SGCZ: variants seen among roughly 807,000 people sequenced by gnomAD.
SGCZ encodes the protein sarcoglycan zeta, also known as zeta-sarcoglycan.
A neutral mutation model predicts 41.3 loss-of-function variants in SGCZ; 40 were observed. That is an observed-to-expected ratio of 0.97 (90% CI 0.75 to 1.26). The LOEUF (loss-of-function observed/expected upper bound fraction) is 1.26, where lower values mean the gene tolerates loss of function less well. SGCZ is among the 50% of genes most tolerant of loss of function. SGCZ has a pLI of 0.00. For synonymous variants in SGCZ, 206 were observed against 137.5 expected (o/e 1.50, Z -3.49); for missense variants, 552 against 369.8 (o/e 1.49, Z -4.04).
At chr8:15,039,657 G>A (rs911250774) in intron 1 of SGCZ, among the ~76,000 whole-genome samples, 1 of 152,130 alleles carries the variant, frequency 6.6e-6, no homozygotes, top group African/African-American at 2.4e-5. Context: ...AGAGTAAAGT[G>A]TATTTCACCA....
chr8:14,766,631 G>A (rs907049174), intron 1 of SGCZ, among the ~76,000 whole-genome samples: 4 of 151,398 alleles, frequency 2.6e-5, no homozygotes, highest in Non-Finnish European at 4.4e-5. Flanking sequence ...CTGCGATCTC[G>A]GCTCACTGCA....
intron 1 of SGCZ, among the ~76,000 whole-genome samples, chr8:14,681,504 C>A (rs912800108): frequency 6.6e-6 from 1 of 152,132 alleles, no homozygotes; most frequent in Non-Finnish European, 1.5e-5. Flanking sequence ...AAGATAGATA[C>A]CACCTATGTA....
At chr8:14,450,269 C>T (rs764490127) in intron 2 of SGCZ, among the ~76,000 whole-genome samples, 50 of 152,152 alleles carry the variant, frequency 3.3e-4, no homozygotes, top group Admixed American at 6.6e-4. Context: ...AACCAAGCAT[C>T]GTGATTCTTT....
chr8:14,269,352 C>T (rs1050178129), intron 3 of SGCZ, among the ~76,000 whole-genome samples: 39 of 152,168 alleles, frequency 2.6e-4, no homozygotes, highest in African/African-American at 8.9e-4. Context: ...TAAACATTCT[C>T]GTGCTGTAAT....
At chr8:15,112,188 T>C (rs748033306) in intron 1 of SGCZ, among the ~76,000 whole-genome samples, 7 of 152,352 alleles carry the variant, frequency 4.6e-5, no homozygotes, top group South Asian at 2.1e-4. Flanking sequence ...GAGAACATAG[T>C]TGAAACCTAA....
chr8:14,228,983 G>T (rs1182461670), intron 4 of SGCZ, among the ~76,000 whole-genome samples: 2 of 152,120 alleles, frequency 1.3e-5, no homozygotes, highest in East Asian at 3.9e-4. Flanking sequence ...GTTAAGCGGA[G>T]CTGGCTTTGT....
At chr8:15,013,987 G>T (rs1802931334) in intron 1 of SGCZ, among the ~76,000 whole-genome samples, 1 of 152,134 alleles carries the variant, frequency 6.6e-6, no homozygotes, top group South Asian at 2.1e-4. Context: ...AACCTCAAAG[G>T]TAGCCACATT....
intron 3 of SGCZ, among the ~76,000 whole-genome samples, chr8:14,292,511 T>G (rs1400258157): frequency 6.6e-6 from 1 of 152,054 alleles, no homozygotes; most frequent in Non-Finnish European, 1.5e-5. Context: ...ACTCTGAAGA[T>G]GAGGCACAAG....
At chr8:14,476,470 A>G (rs945203876) in intron 2 of SGCZ, among the ~76,000 whole-genome samples, 3 of 151,982 alleles carry the variant, frequency 2.0e-5, no homozygotes, top group Admixed American at 1.3e-4. Context: ...GCATGTATAT[A>G]ATTTATTATA....
chr8:14,138,854 A>G (rs1471164655), intron 5 of SGCZ, among the ~76,000 whole-genome samples: 1 of 152,180 alleles, frequency 6.6e-6, no homozygotes, highest in African/African-American at 2.4e-5. Context: ...ATAGACATCT[A>G]CAGAACTCTC....
At chr8:14,937,364 G>A (rs999328146) in intron 1 of SGCZ, among the ~76,000 whole-genome samples, 3 of 151,950 alleles carry the variant, frequency 2.0e-5, no homozygotes, top group Non-Finnish European at 4.4e-5. Context: ...ATGAACATTA[G>A]CAATTTTGAA....
intron 1 of SGCZ, among the ~76,000 whole-genome samples, chr8:14,757,970 C>T (rs1799744093): frequency 6.6e-6 from 1 of 152,026 alleles, no homozygotes; most frequent in Non-Finnish European, 1.5e-5. Flanking sequence ...TATGTATAAG[C>T]ATGTTATGCA....
rs201009548 is a variant in SGCZ at position 14,718,125 on chromosome 8, CT to C, written c.40-163200del. On this transcript the variant is annotated intron_variant, in intron 1 of 7. Transcript: ENST00000382080. ...GTGACTCTCTAAGCTAAATGTTATA[CT>C]TTTTTTATATTATTGAAATACACAT... is the stretch of plus-strand genomic sequence containing the variant. Among the ~76,000 whole-genome samples the C allele has an allele frequency of 4.6e-3, 703 of 151,618 alleles. 4 individuals are homozygous for C. Among genetic ancestry groups the C allele is most frequent in the Non-Finnish European group, 7.0e-3 (476 of 67,850 alleles).
At chr8:14,331,097 G>C (rs1802303890) in intron 2 of SGCZ, among the ~76,000 whole-genome samples, 1 of 151,324 alleles carries the variant, frequency 6.6e-6, no homozygotes. Context: ...ATTTGTATGA[G>C]GAAAAAATCT....
At chr8:14,890,236 G>GAA (rs1804962946) in intron 1 of SGCZ, among the ~76,000 whole-genome samples, 2 of 144,286 alleles carry the variant, frequency 1.4e-5, no homozygotes, top group African/African-American at 2.6e-5. Context: ...GAAAGAAAGA[G>GAA]AGAGAGAAAG....
intron 3 of SGCZ, among the ~76,000 whole-genome samples, chr8:14,298,697 C>G (rs1435401946): frequency 6.6e-6 from 1 of 151,944 alleles, no homozygotes; most frequent in Non-Finnish European, 1.5e-5. Flanking sequence ...AGCCTAATTA[C>G]ATGGATAAAT....
chr8:15,076,183 T>C (rs563663532), intron 1 of SGCZ, among the ~76,000 whole-genome samples: 1 of 152,330 alleles, frequency 6.6e-6, no homozygotes, highest in South Asian at 2.1e-4. Flanking sequence ...TGGCCATTCT[T>C]AGAAATTTTT....
At chr8:14,645,478 T>TTTTATATATATATATATATA (rs1554472104) in intron 1 of SGCZ, among the ~76,000 whole-genome samples, 1 of 106,594 alleles carries the variant, frequency 9.4e-6, no homozygotes, top group East Asian at 3.3e-4. Context: ...ATATATATAT[T>TTTTATATATATATATATATA]TATATGTATA....
At chr8:14,979,844 G>C (rs994828644) in intron 1 of SGCZ, among the ~76,000 whole-genome samples, 6 of 152,132 alleles carry the variant, frequency 3.9e-5, no homozygotes, top group Non-Finnish European at 8.8e-5. Context: ...ATGCAGCTTT[G>C]TGTTTTCCCT....
Sources: gnomAD v4.1 joint callset for allele counts (sites outside exome capture counted in the v4.1 genomes callset) on GRCh38, gnomAD v4.1.1 for gene constraint, MANE v1.5 for transcripts, NCBI Gene and HGNC (gene_info 2026-07-23, HGNC 2026-07-21) for gene names.